Variants in RIPOR2 observed in about 807,000 individuals in gnomAD.
RIPOR2 encodes rho family-interacting cell polarization regulator 2.
RIPOR2 carries 39 observed loss-of-function variants against 114.5 expected under a neutral mutation model. The ratio of observed to expected loss-of-function variants is 0.34; its 90% confidence interval spans 0.26 to 0.44. RIPOR2 has a LOEUF of 0.44. Among genes scored for constraint, RIPOR2 ranks in the 20% least tolerant of loss-of-function variants. The pLI, the probability that RIPOR2 is intolerant of heterozygous loss-of-function variation, is 1.00. For missense variants in RIPOR2, 1,007 were observed against 1,255.1 expected, an observed-to-expected ratio of 0.80 and a Z score of 2.99; for synonymous variants, 445 against 484.4, an observed-to-expected ratio of 0.92 and a Z score of 1.07.
Position 24,849,962 on chromosome 6 carries a change from A to C in RIPOR2, c.886-12T>G. Reference sequence around the variant, plus strand: ...TTGAGCTCCGTGACCTAGCAGAGAGAGTGGGAGAGAATAGGCCTTACATCA... The same window carrying C: ...TTGAGCTCCGTGACCTAGCAGAGAGCGTGGGAGAGAATAGGCCTTACATCA... On this transcript the variant is annotated splice_polypyrimidine_tract_variant and intron_variant, in intron 10 of 21. Coordinates refer to ENST00000643898, the MANE Select transcript of RIPOR2 (RefSeq NM_001286445.3). 5.6e-6 allele frequency: 9 copies of C among 1,611,844 alleles called. No homozygotes were observed. Among genetic ancestry groups the C allele is most frequent in the Non-Finnish European group, 6.8e-6 (8 of 1,178,422 alleles).
chr6:24,976,784 G>A, intron 1 of RIPOR2: 1 of 1,611,460 alleles, frequency 6.2e-7, no homozygotes, highest in Non-Finnish European at 8.5e-7. Context: ...CTTGTCCATG[G>A]CAAATGCTGG....
chr6:24,836,962 G>A (rs1761170767), intron 14 of RIPOR2, among the ~76,000 whole-genome samples: 1 of 151,812 alleles, frequency 6.6e-6, no homozygotes, highest in Non-Finnish European at 1.5e-5. Context: ...ATATTTTTTT[G>A]TTAAAATGTT....
intron 3 of RIPOR2, among the ~76,000 whole-genome samples, chr6:24,873,367 C>T (rs1022831624): frequency 6.6e-6 from 1 of 152,158 alleles, no homozygotes; most frequent in African/African-American, 2.4e-5. Flanking sequence ...TCAGAACCCT[C>T]CTTCAGCAAT....
rs976575085 is a variant in RIPOR2, at chr6:24,935,826, A to T, written c.61+12T>A. 24 of 1,530,632 alleles carry T rather than the reference A, an allele frequency of 1.6e-5. No individual in the cohort carries two copies. Among genetic ancestry groups the T allele is most frequent in the Non-Finnish European group, 2.1e-5 (24 of 1,142,386 alleles). The allele number at this position is 1,530,632 out of a possible 1,614,324, so 94.8% of individuals were successfully genotyped here. A position where few individuals can be genotyped will look rare whatever the true frequency, so the allele number is the denominator to read the frequency against. On this transcript the variant is annotated intron_variant, in intron 1 of 21. Coordinates refer to ENST00000643898, the MANE Select transcript of RIPOR2 (RefSeq NM_001286445.3). ...CAGACCGGAGAGCCTCCTGCCAGAAAGATGCATTTACCTTCACCAAAAACA... is the reference window on the plus strand; with the variant it reads ...CAGACCGGAGAGCCTCCTGCCAGAATGATGCATTTACCTTCACCAAAAACA...
chr6:25,029,973 G>A (rs1232843109), intron 1 of RIPOR2, among the ~76,000 whole-genome samples: 1 of 151,986 alleles, frequency 6.6e-6, no homozygotes, highest in Non-Finnish European at 1.5e-5. Flanking sequence ...AATGGAGTGG[G>A]AGAACTAGAC....
chr6:24,877,247 CAG>C, intron 1 of RIPOR2: 2 of 985,422 alleles, frequency 2.0e-6, no homozygotes, highest in Non-Finnish European at 2.4e-6. Context: ...GTTACTTCCC[CAG>C]AGAGAGAAGG....
At chr6:24,971,453 G>A (rs1012506355) in intron 1 of RIPOR2, among the ~76,000 whole-genome samples, 62 of 152,372 alleles carry the variant, frequency 4.1e-4, no homozygotes, top group African/African-American at 9.9e-4. Context: ...GAGTGCTCTC[G>A]CAGCCTGTTA....
Position 24,865,469 on chromosome 6 carries a change from G to T in RIPOR2, c.502-19C>A. 1 of 1,586,612 alleles carries T rather than the reference G, an allele frequency of 6.3e-7. No homozygotes were observed. The highest frequency in any genetic ancestry group is 1.1e-5 in the South Asian group (1 of 87,720). Reference sequence around the variant, plus strand: ...CATCTACCTGCCAGAATCAAAACAGGAAACAGAAATAAATGTCAGGCTTGA... The same window carrying T: ...CATCTACCTGCCAGAATCAAAACAGTAAACAGAAATAAATGTCAGGCTTGA... On this transcript the variant is annotated intron_variant, in intron 6 of 21. Transcript: ENST00000643898.
intron 10 of RIPOR2, 126 bp from the exon 11 acceptor site, chr6:24,850,076 C>T (rs1762713352): frequency 1.1e-5 from 7 of 661,754 alleles, no homozygotes; most frequent in South Asian, 2.5e-5. Flanking sequence ...AAATCAGAAG[C>T]GGATTTTCAT....
intron 16 of RIPOR2, 67 bp from the exon 17 acceptor site, chr6:24,830,737 A>T: frequency 6.8e-7 from 1 of 1,463,984 alleles, no homozygotes; most frequent in Non-Finnish European, 9.1e-7. Flanking sequence ...TTTTTTTGAG[A>T]CAGAGTCTTG....
At chr6:24,965,141 AT>A (rs70974956) in intron 1 of RIPOR2, among the ~76,000 whole-genome samples, 124,176 of 150,756 alleles carry the variant, frequency 0.82, 53,811 homozygotes, top group East Asian at 0.96. Context: ...TTTATTTTTT[AT>A]TTTTTTTATT....
intron 1 of RIPOR2, among the ~76,000 whole-genome samples, chr6:25,031,691 G>A (rs1390182940): frequency 1.2e-5 from 1 of 82,784 alleles, no homozygotes; most frequent in African/African-American, 4.6e-5. Context: ...ATGTGATGTA[G>A]GTGGTAGTTA....
At chr6:25,002,443 T>C (rs1162005270) in intron 1 of RIPOR2, among the ~76,000 whole-genome samples, 1 of 152,232 alleles carries the variant, frequency 6.6e-6, no homozygotes, top group Non-Finnish European at 1.5e-5. Context: ...TTAAATATGT[T>C]CAACATGCTT....
chr6:25,034,292 T>C (rs971528051), intron 1 of RIPOR2, among the ~76,000 whole-genome samples: 2 of 122,298 alleles, frequency 1.6e-5, no homozygotes, highest in African/African-American at 6.3e-5. Flanking sequence ...TGCCCAAGTT[T>C]ACAGTTTTGA....
In RIPOR2 at chr6:24,875,801, G is replaced by C; in HGVS notation, c.78C>G (p.Leu26=). 6.2e-7 allele frequency: 1 copy of C among 1,611,156 alleles called. No individual in the cohort carries two copies. The highest frequency in any genetic ancestry group is 8.5e-7 in the Non-Finnish European group (1 of 1,178,628). Residue 26 remains leucine, a synonymous_variant, in exon 2 of 22, where the codon CTC becomes CTG. Coordinates refer to ENST00000643898, the MANE Select transcript of RIPOR2 (RefSeq NM_001286445.3). ...GGGATCCTACCAACATGATTTCCGG[G>C]AGTCTGGTCGGTAGTCCTAGAAGAC... ...DVFGEGLPTR[L]PEIMLVGSQS...
At chr6:24,902,187 A>G (rs1476767866) in intron 1 of RIPOR2, among the ~76,000 whole-genome samples, 1 of 151,796 alleles carries the variant, frequency 6.6e-6, no homozygotes, top group Non-Finnish European at 1.5e-5. Flanking sequence ...TAGTCAATCC[A>G]ATTACTTTTT....
At chr6:25,002,582 T>C (rs1480859423) in intron 1 of RIPOR2, among the ~76,000 whole-genome samples, 3 of 152,242 alleles carry the variant, frequency 2.0e-5, no homozygotes, top group Non-Finnish European at 4.4e-5. Flanking sequence ...TGTTTTCTCC[T>C]TACAAATACT....
chr6:24,870,996 G>T, intron 4 of RIPOR2, 107 bp from the exon 5 acceptor site: 1 of 625,062 alleles, frequency 1.6e-6, no homozygotes, highest in Non-Finnish European at 2.6e-6. Flanking sequence ...TGGAAATAAT[G>T]ATCATCCCTA....
chr6:24,988,161 G>A (rs1205763242), intron 1 of RIPOR2, among the ~76,000 whole-genome samples: 1 of 152,118 alleles, frequency 6.6e-6, no homozygotes, highest in Non-Finnish European at 1.5e-5. Context: ...CCACACTATG[G>A]TTAATGTTCT....
Sources: gnomAD v4.1 joint callset for allele counts (sites outside exome capture counted in the v4.1 genomes callset) on GRCh38, gnomAD v4.1.1 for gene constraint, MANE v1.5 for transcripts, NCBI Gene and HGNC (gene_info 2026-07-23, HGNC 2026-07-21) for gene names.